B3GLCT: variants seen among roughly 807,000 people sequenced by gnomAD.
The protein encoded by B3GLCT is beta-1,3-glucosyltransferase.
A neutral mutation model predicts 63.4 loss-of-function variants in B3GLCT; 65 were observed. That is an observed-to-expected ratio of 1.03 (90% confidence interval 0.84 to 1.26). The LOEUF is 1.26. B3GLCT is among the 50% of genes most tolerant of loss of function. B3GLCT has a pLI of 0.00. For synonymous variants in B3GLCT, 233 were observed against 219.2 expected, an observed-to-expected ratio of 1.06 and a Z score of -0.55; for missense variants, 577 against 604.8, an observed-to-expected ratio of 0.95 and a Z score of 0.48.
chr13:31,306,794 T>G, intron 12 of B3GLCT, among the ~76,000 whole-genome samples: 1 of 59,294 alleles, frequency 1.7e-5, no homozygotes, highest in Non-Finnish European at 3.4e-5. Context: ...CCCATCAAGC[T>G]ACCAATGACT....
chr13:31,306,648 G>T (rs1406566233), intron 12 of B3GLCT, among the ~76,000 whole-genome samples: 1 of 33,756 alleles, frequency 3.0e-5, no homozygotes, highest in Non-Finnish European at 7.3e-5. Context: ...TCTTCAAGGA[G>T]AACTACAAAC....
At chr13:31,298,820 C>T (rs1874084853) in intron 12 of B3GLCT, among the ~76,000 whole-genome samples, 2 of 152,234 alleles carry the variant, frequency 1.3e-5, no homozygotes, top group South Asian at 4.1e-4. Flanking sequence ...TAGCTGCATT[C>T]ACTCTTAGCC....
intron 1 of B3GLCT, among the ~76,000 whole-genome samples, chr13:31,209,719 T>C (rs1869160884): frequency 6.6e-6 from 1 of 152,176 alleles, no homozygotes; most frequent in Non-Finnish European, 1.5e-5. Flanking sequence ...GCCACAGCTA[T>C]TGGCTGAGCT....
intron 13 of B3GLCT, among the ~76,000 whole-genome samples, chr13:31,318,645 A>G (rs1934661460): frequency 6.6e-6 from 1 of 152,168 alleles, no homozygotes; most frequent in Non-Finnish European, 1.5e-5. Flanking sequence ...GCCTTTGAAA[A>G]GACACTAGAG....
At chr13:31,284,211 C>A (rs984616689) in intron 10 of B3GLCT, among the ~76,000 whole-genome samples, 3 of 152,160 alleles carry the variant, frequency 2.0e-5, no homozygotes, top group Non-Finnish European at 4.4e-5. Context: ...CAAGGTCATG[C>A]CCTTTGTAGG....
rs1197948042 is a variant in B3GLCT, at chr13:31,284,644, T to A, written c.851-4T>A. ...AGTGATTGTCACCTCTGTAATTTTTTCAGTACCTATTGTTAAGCAGACTTG... is the reference window on the plus strand; with the variant it reads ...AGTGATTGTCACCTCTGTAATTTTTACAGTACCTATTGTTAAGCAGACTTG... On this transcript the variant is annotated splice_region_variant and splice_polypyrimidine_tract_variant and intron_variant, in intron 10 of 14. Transcript: ENST00000343307. 4 of 1,536,350 alleles carry A rather than the reference T, an allele frequency of 2.6e-6. No homozygotes were observed. The highest frequency in any genetic ancestry group is 3.6e-6 in the Non-Finnish European group (4 of 1,109,360).
intron 13 of B3GLCT, among the ~76,000 whole-genome samples, chr13:31,318,316 T>G (rs969214626): frequency 1.3e-5 from 2 of 152,200 alleles, no homozygotes; most frequent in African/African-American, 4.8e-5. Flanking sequence ...CAGTAGATAT[T>G]TGTTGCATGT....
intron 1 of B3GLCT, among the ~76,000 whole-genome samples, chr13:31,212,071 T>G (rs966471916): frequency 1.1e-4 from 17 of 152,142 alleles, no homozygotes; most frequent in African/African-American, 4.1e-4. Flanking sequence ...ACTGTCCTGT[T>G]TGAAATTTGG....
intron 4 of B3GLCT, among the ~76,000 whole-genome samples, chr13:31,235,460 C>G (rs1870601613): frequency 6.6e-6 from 1 of 151,908 alleles, no homozygotes; most frequent in Non-Finnish European, 1.5e-5. Context: ...GACTGAAGGG[C>G]CATACGAAGG....
At chr13:31,210,701 G>A (rs2057495) in intron 1 of B3GLCT, among the ~76,000 whole-genome samples, 6,275 of 152,156 alleles carry the variant, frequency 0.041, 146 homozygotes, top group Non-Finnish European at 0.05. Flanking sequence ...TTTATTAGTG[G>A]TATAGCATAT....
intron 12 of B3GLCT, among the ~76,000 whole-genome samples, chr13:31,291,531 G>C (rs938303763): frequency 7.2e-5 from 11 of 152,114 alleles, no homozygotes; most frequent in African/African-American, 2.7e-4. Flanking sequence ...CCTTGAAGAG[G>C]TCTTTCAGAT....
chr13:31,239,204 G>C (rs907450283), intron 4 of B3GLCT, among the ~76,000 whole-genome samples: 2 of 152,140 alleles, frequency 1.3e-5, no homozygotes, highest in East Asian at 1.9e-4. Context: ...AGGGAGGGTC[G>C]GTGAGAGTGG....
At chr13:31,268,749 T>A (rs1022090913) in intron 7 of B3GLCT, among the ~76,000 whole-genome samples, 1 of 152,076 alleles carries the variant, frequency 6.6e-6, no homozygotes, top group Non-Finnish European at 1.5e-5. Context: ...CCATTGAAAA[T>A]GTTCAAACAA....
chr13:31,273,293 A>C (rs1872649798), intron 8 of B3GLCT, among the ~76,000 whole-genome samples: 2 of 152,028 alleles, frequency 1.3e-5, no homozygotes, highest in South Asian at 4.1e-4. Flanking sequence ...ATGGGGTTTC[A>C]CCATATTGGA....
At chr13:31,282,142 A>G (rs1202091981) in intron 10 of B3GLCT, among the ~76,000 whole-genome samples, 2 of 152,218 alleles carry the variant, frequency 1.3e-5, no homozygotes, top group African/African-American at 4.8e-5. Flanking sequence ...GTATTTTCTC[A>G]AAGTTTAGTA....
intron 4 of B3GLCT, among the ~76,000 whole-genome samples, chr13:31,246,394 AT>A (rs1432160319): frequency 1.3e-5 from 2 of 152,136 alleles, no homozygotes; most frequent in Non-Finnish European, 2.9e-5. Flanking sequence ...TTATTTCTGA[AT>A]TTTAGTTCCT....
In B3GLCT at chr13:31,331,511, A is replaced by G. The variant is rs1875922792; in HGVS notation, c.*1843A>G. The G allele has an allele frequency of 6.8e-6, 1 of 147,638 alleles. No individual in the cohort carries two copies. The highest frequency in any genetic ancestry group is 7.0e-5 in the Admixed American group (1 of 14,306). The allele number at this position is 147,638 out of a possible 1,614,324, so 9.1% of individuals were successfully genotyped here. ...GTGTAAGCCTAACCACAAGTAAAAG[A>G]TCTTTGCCTAAGTTTTTGATTTCTC... is the stretch of plus-strand genomic sequence containing the variant. On this transcript the variant is annotated 3_prime_UTR_variant, in exon 15 of 15. Coordinates refer to ENST00000343307, the MANE Select transcript of B3GLCT (RefSeq NM_194318.4).
At chr13:31,242,012 T>C (rs1333442868) in intron 4 of B3GLCT, among the ~76,000 whole-genome samples, 3 of 152,238 alleles carry the variant, frequency 2.0e-5, no homozygotes, top group Admixed American at 1.3e-4. Flanking sequence ...TGGTACACTA[T>C]GCTATGCTGT....
intron 7 of B3GLCT, among the ~76,000 whole-genome samples, chr13:31,263,602 G>A (rs779113072): frequency 1.3e-5 from 2 of 152,178 alleles, no homozygotes; most frequent in African/African-American, 2.4e-5. Flanking sequence ...GCTTCCAGGG[G>A]TTCATGAACC....
Sources: allele counts gnomAD v4.1 joint callset (sites outside exome capture counted in the v4.1 genomes callset), GRCh38; gene constraint gnomAD v4.1.1; transcripts MANE v1.5; gene names NCBI Gene and HGNC (gene_info 2026-07-23, HGNC 2026-07-21).